Variants in TANC2 observed in about 807,000 individuals in gnomAD.
TANC2 encodes tetratricopeptide repeat, ankyrin repeat and coiled-coil containing 2.
TANC2 carries 26 observed loss-of-function variants against 210.5 expected under a neutral mutation model. The observed-to-expected ratio is 0.12, with a 90% CI of 0.09 to 0.17. TANC2 has a LOEUF of 0.17. Ranked by LOEUF, TANC2 falls within the 10% of genes least tolerant of loss-of-function variation. The probability of loss-of-function intolerance (pLI) is 1.00; values close to 1 mark genes in which losing one functional copy is unlikely to be tolerated. For synonymous variants in TANC2, 931 were observed against 967.1 expected (o/e 0.96, Z 0.69); for missense variants, 2,129 against 2,608.9 (o/e 0.82, Z 4.01).
At chr17:63,090,424 C>T (rs1045784953) in intron 3 of TANC2, among the ~76,000 whole-genome samples, 1 of 152,040 alleles carries the variant, frequency 6.6e-6, no homozygotes, top group East Asian at 1.9e-4. Context: ...CATGTGTTCT[C>T]ATTGTTCAGT....
intron 1 of TANC2, among the ~76,000 whole-genome samples, chr17:62,977,240 A>G (rs1432115228): frequency 6.6e-6 from 1 of 152,082 alleles, no homozygotes; most frequent in East Asian, 1.9e-4. Context: ...CACTTTGTCA[A>G]TTTCTGCTTA....
intron 11 of TANC2, among the ~76,000 whole-genome samples, chr17:63,323,319 G>T (rs750543629): frequency 6.6e-6 from 1 of 152,130 alleles, no homozygotes; most frequent in Non-Finnish European, 1.5e-5. Context: ...TGTGCATCTA[G>T]TTAACTGAGA....
intron 4 of TANC2, among the ~76,000 whole-genome samples, chr17:63,114,942 C>T (rs2038195614): frequency 6.6e-6 from 1 of 152,108 alleles, no homozygotes; most frequent in South Asian, 2.1e-4. Context: ...GTCCTCATCC[C>T]AGTTAGCTCC....
chr17:63,199,957 A>G (rs2041471483), intron 6 of TANC2, among the ~76,000 whole-genome samples: 2 of 152,310 alleles, frequency 1.3e-5, no homozygotes, highest in South Asian at 2.1e-4. Context: ...CTCTGCATTC[A>G]TGTATTGTCT....
chr17:63,369,779 T>A (rs2047211663), intron 14 of TANC2, among the ~76,000 whole-genome samples: 1 of 151,970 alleles, frequency 6.6e-6, no homozygotes, highest in Non-Finnish European at 1.5e-5. Context: ...ATTTTTGTAT[T>A]TTTAGTAGAG....
At chr17:63,139,718 A>G (rs548076292) in intron 4 of TANC2, among the ~76,000 whole-genome samples, 94 of 152,316 alleles carry the variant, frequency 6.2e-4, no homozygotes, top group African/African-American at 2.2e-3. Flanking sequence ...CCTGGGCAAC[A>G]TAGTGAGACC....
intron 9 of TANC2, among the ~76,000 whole-genome samples, chr17:63,301,223 A>G (rs1410472416): frequency 6.6e-6 from 1 of 152,060 alleles, no homozygotes; most frequent in Non-Finnish European, 1.5e-5. Flanking sequence ...CATCAGGGGT[A>G]TTGGCCTAAA....
intron 7 of TANC2, among the ~76,000 whole-genome samples, chr17:63,211,475 A>T (rs1348217347): frequency 1.3e-5 from 2 of 151,708 alleles, no homozygotes; most frequent in African/African-American, 2.4e-5. Flanking sequence ...TCCTCCCAAC[A>T]TTAGAGGAGA....
intron 7 of TANC2, among the ~76,000 whole-genome samples, chr17:63,216,670 TG>T (rs1282135360): frequency 2.6e-5 from 4 of 152,320 alleles, no homozygotes; most frequent in South Asian, 4.2e-4. Context: ...GGGCACCAGT[TG>T]GTGTCCAGAT....
At chr17:63,410,344 C>CG (rs1555654862) in intron 21 of TANC2, among the ~76,000 whole-genome samples, 1 of 142,574 alleles carries the variant, frequency 7.0e-6, no homozygotes, top group Non-Finnish European at 1.5e-5. Context: ...CAATCCCCCC[C>CG]CCCCATCTCC....
intron 1 of TANC2, among the ~76,000 whole-genome samples, chr17:63,000,663 A>G (rs16946709): frequency 0.029 from 4,431 of 152,270 alleles, 225 homozygotes; most frequent in African/African-American, 0.1. Flanking sequence ...TCCTGTCCAG[A>G]TATTTCACTT....
At chr17:63,338,398 A>G (rs1177206918) in intron 11 of TANC2, among the ~76,000 whole-genome samples, 1 of 152,234 alleles carries the variant, frequency 6.6e-6, no homozygotes, top group Admixed American at 6.5e-5. Context: ...TATCTTTAAA[A>G]TGGTATCTTC....
At chr17:63,206,876 TGTC>T (rs1226511349) in intron 7 of TANC2, among the ~76,000 whole-genome samples, 1 of 152,210 alleles carries the variant, frequency 6.6e-6, no homozygotes, top group Admixed American at 6.5e-5. Flanking sequence ...AATAATTTTA[TGTC>T]GTGTATATTT....
intron 2 of TANC2, among the ~76,000 whole-genome samples, chr17:63,010,973 TTCATTGG>T (rs750270358): frequency 4.5e-4 from 69 of 152,254 alleles, no homozygotes; most frequent in Non-Finnish European, 8.4e-4. Flanking sequence ...ATATGATTAA[TTCATTGG>T]TCATTGGTGA....
At chr17:63,243,245 G>C (rs2042824223) in intron 8 of TANC2, among the ~76,000 whole-genome samples, 1 of 152,154 alleles carries the variant, frequency 6.6e-6, no homozygotes, top group Non-Finnish European at 1.5e-5. Context: ...CATTGATGGT[G>C]GGAGTATGTT....
Position 63,020,429 on chromosome 17 carries a change from G to A in TANC2, c.67+10803G>A, listed in dbSNP as rs943423521. Among the ~76,000 whole-genome samples, 5 of 151,920 alleles carry A rather than the reference G, an allele frequency of 3.3e-5. 1 individual carries two copies. In the South Asian group the frequency reaches 8.3e-4, roughly 25 times the overall value. ...AGAAATCCTCCTGCCTCAGCCTCCT[G>A]AGTAGCTGGGACTGCAGGCACACGC... On this transcript the variant is annotated intron_variant, in intron 2 of 27. Coordinates refer to ENST00000689528, the Ensembl canonical transcript of TANC2.
intron 5 of TANC2, among the ~76,000 whole-genome samples, chr17:63,185,053 G>A (rs2040931896): frequency 6.6e-6 from 1 of 151,486 alleles, no homozygotes; most frequent in Non-Finnish European, 1.5e-5. Flanking sequence ...AGAGTACAGT[G>A]GTGCAATCAT....
At chr17:63,181,928 C>T (rs1200888876) in intron 5 of TANC2, among the ~76,000 whole-genome samples, 1 of 152,196 alleles carries the variant, frequency 6.6e-6, no homozygotes, top group Non-Finnish European at 1.5e-5. Flanking sequence ...CTTATTTTGA[C>T]AGTTGTATCA....
In TANC2 at chr17:63,267,653, G is replaced by A. The variant is rs1157315980; in HGVS notation, c.1034-95G>A. 4.6e-6 allele frequency: 6 copies of A among 1,317,900 alleles called. No homozygotes were observed. In the African/African-American group the frequency reaches 5.9e-5, roughly 13 times the overall value. The allele number at this position is 1,317,900 out of a possible 1,614,324, so 81.6% of individuals were successfully genotyped here. A position where few individuals can be genotyped will look rare whatever the true frequency, so the allele number is the denominator to read the frequency against. On this transcript the variant is annotated intron_variant, in intron 8 of 27. Coordinates refer to ENST00000689528, the Ensembl canonical transcript of TANC2. Reference sequence around the variant, plus strand: ...ATTTTGCATATATATTTTTTGGCTGGAGTAAGCCCTGATTCCAAAGTTCCG... The same window carrying A: ...ATTTTGCATATATATTTTTTGGCTGAAGTAAGCCCTGATTCCAAAGTTCCG...
Sources: gnomAD v4.1 joint callset for allele counts (sites outside exome capture counted in the v4.1 genomes callset) on GRCh38, gnomAD v4.1.1 for gene constraint, MANE v1.5 for transcripts, NCBI Gene and HGNC (gene_info 2026-07-23, HGNC 2026-07-21) for gene names.